Variants in SKAP2 observed in about 807,000 individuals in gnomAD.
SKAP2 encodes the protein src kinase associated phosphoprotein 2.
Under a neutral mutation model 54.9 loss-of-function variants are expected in SKAP2, and 28 were observed. That is an observed-to-expected ratio of 0.51 (90% CI 0.38 to 0.70). The LOEUF (loss-of-function observed/expected upper bound fraction) is 0.70. Among genes scored for constraint, SKAP2 ranks in the 30% least tolerant of loss-of-function variants. The pLI is 0.00. For synonymous variants in SKAP2, 137 were observed against 134.3 expected (o/e 1.02, Z -0.14); for missense variants, 356 against 424.1 (o/e 0.84, Z 1.41).
At chr7:26,862,661 C>T (rs998786628) in intron 1 of SKAP2, among the ~76,000 whole-genome samples, 1 of 151,842 alleles carries the variant, frequency 6.6e-6, no homozygotes, top group Non-Finnish European at 1.5e-5. Context: ...TTAAATTACA[C>T]AAATAAGGGC....
intron 3 of SKAP2, among the ~76,000 whole-genome samples, chr7:26,853,046 T>A (rs1785080715): frequency 6.6e-6 from 1 of 152,176 alleles, no homozygotes; most frequent in Admixed American, 6.5e-5. Flanking sequence ...GCTCATTTCT[T>A]TATTTAAGTG....
intron 4 of SKAP2, among the ~76,000 whole-genome samples, chr7:26,827,174 G>A (rs1784508330): frequency 6.6e-6 from 1 of 152,116 alleles, no homozygotes; most frequent in African/African-American, 2.4e-5. Flanking sequence ...CTCACAGGTG[G>A]TATTAAAAAG....
At chr7:26,834,946 A>G (rs1042621605) in intron 4 of SKAP2, among the ~76,000 whole-genome samples, 3 of 152,360 alleles carry the variant, frequency 2.0e-5, no homozygotes, top group African/African-American at 4.8e-5. Context: ...AAAATCCTCA[A>G]TGAAATACTG....
intron 4 of SKAP2, among the ~76,000 whole-genome samples, chr7:26,794,014 C>T (rs1336785962): frequency 6.6e-6 from 1 of 152,160 alleles, no homozygotes; most frequent in Non-Finnish European, 1.5e-5. Flanking sequence ...TTAGCTAAAG[C>T]TGCTTCATCC....
intron 4 of SKAP2, among the ~76,000 whole-genome samples, chr7:26,779,322 A>G (rs1783377524): frequency 6.6e-6 from 1 of 152,004 alleles, no homozygotes; most frequent in African/African-American, 2.4e-5. Context: ...ACAGAATACA[A>G]TTACCTGCCC....
chr7:26,751,914 A>G (rs539597149), intron 4 of SKAP2, among the ~76,000 whole-genome samples: 1 of 152,178 alleles, frequency 6.6e-6, no homozygotes, highest in Non-Finnish European at 1.5e-5. Flanking sequence ...GAAGATGGAG[A>G]AGAAAGGAAG....
At chr7:26,814,760 T>C (rs1784230785) in intron 4 of SKAP2, among the ~76,000 whole-genome samples, 1 of 152,102 alleles carries the variant, frequency 6.6e-6, no homozygotes, top group Admixed American at 6.6e-5. Flanking sequence ...TTTAAAACTT[T>C]CTAAAAGACG....
intron 4 of SKAP2, among the ~76,000 whole-genome samples, chr7:26,839,309 C>G (rs967434445): frequency 6.6e-6 from 1 of 152,066 alleles, no homozygotes; most frequent in Non-Finnish European, 1.5e-5. Context: ...CAACTATAAT[C>G]CCTTCTCTTC....
In SKAP2 at chr7:26,667,861, T is replaced by C. The variant is rs1786137225; in HGVS notation, c.*1805A>G. The C allele has an allele frequency of 6.6e-6, 1 of 152,276 alleles. No individual in the cohort carries two copies. Among genetic ancestry groups the C allele is most frequent in the African/African-American group, 2.4e-5 (1 of 41,460 alleles). The allele number at this position is 152,276 out of a possible 1,614,324, so 9.4% of individuals were successfully genotyped here. On this transcript the variant is annotated 3_prime_UTR_variant, in exon 13 of 13. Transcript: ENST00000345317. ...GAAACAACGGCTTTTGCTTTTCAGC[T>C]GCTCAAGTTTTGAAAACCAGTCCAC...
chr7:26,697,092 T>C (rs962592391), intron 9 of SKAP2, among the ~76,000 whole-genome samples: 1 of 152,132 alleles, frequency 6.6e-6, no homozygotes, highest in Non-Finnish European at 1.5e-5. Flanking sequence ...AAACCTTAGA[T>C]AGAATCTTGT....
chr7:26,827,314 T>G (rs3801818), intron 4 of SKAP2, among the ~76,000 whole-genome samples: 2 of 152,172 alleles, frequency 1.3e-5, no homozygotes, highest in African/African-American at 4.8e-5. Flanking sequence ...AAAGAATTAG[T>G]TGATATTCAA....
chr7:26,808,152 A>G (rs1784067561), intron 4 of SKAP2, among the ~76,000 whole-genome samples: 1 of 152,200 alleles, frequency 6.6e-6, no homozygotes, highest in Admixed American at 6.5e-5. Flanking sequence ...ACATCTGTAT[A>G]GGGCTGTGGT....
intron 4 of SKAP2, among the ~76,000 whole-genome samples, chr7:26,787,809 C>A (rs147530918): frequency 6.6e-6 from 1 of 152,130 alleles, no homozygotes; most frequent in African/African-American, 2.4e-5. Flanking sequence ...GCCCGCATGA[C>A]CCAAACACCT....
At chr7:26,656,699 G>C in the SKAP2 span, among the ~76,000 whole-genome samples, 1 of 152,220 alleles carries the variant, frequency 6.6e-6, no homozygotes, top group Middle Eastern at 3.2e-3. Flanking sequence ...GGACAGTAAA[G>C]AGCAGGTAAC....
chr7:26,725,392 C>T (rs1787680440), intron 9 of SKAP2, 36 bp downstream of exon 9: 1 of 1,547,144 alleles, frequency 6.5e-7, no homozygotes, highest in Non-Finnish European at 8.9e-7. Context: ...ACACACAGCC[C>T]TAAAATCTTT....
the SKAP2 span, among the ~76,000 whole-genome samples, chr7:26,660,661 A>G: frequency 6.6e-6 from 1 of 152,068 alleles, no homozygotes; most frequent in African/African-American, 2.4e-5. Context: ...TCCTTTATCA[A>G]AGAGTATGTA....
chr7:26,805,480 A>G (rs1005957183), intron 4 of SKAP2, among the ~76,000 whole-genome samples: 12 of 152,190 alleles, frequency 7.9e-5, no homozygotes, highest in Non-Finnish European at 1.6e-4. Flanking sequence ...AAGTGATGCT[A>G]TGTGACATCT....
intron 9 of SKAP2, among the ~76,000 whole-genome samples, chr7:26,690,697 T>C (rs1786762682): frequency 6.6e-6 from 1 of 152,168 alleles, no homozygotes; most frequent in Non-Finnish European, 1.5e-5. Flanking sequence ...TTGTTTTAAA[T>C]ACTTTTAGAA....
chr7:26,700,219 T>A (rs546889709), intron 9 of SKAP2, among the ~76,000 whole-genome samples: 2 of 152,308 alleles, frequency 1.3e-5, no homozygotes, highest in East Asian at 3.9e-4. Flanking sequence ...TCTCTATATC[T>A]ATAAAGATTT....
Sources: gnomAD v4.1 joint callset for allele counts (sites outside exome capture counted in the v4.1 genomes callset) on GRCh38, gnomAD v4.1.1 for gene constraint, MANE v1.5 for transcripts, NCBI Gene and HGNC (gene_info 2026-07-23, HGNC 2026-07-21) for gene names.